The following RSPO2 variants were observed in gnomAD, a reference collection of about 807,000 sequenced individuals.
RSPO2 encodes R-spondin-2.
In RSPO2, 14 loss-of-function variants were observed where a neutral mutation model predicts 30.9. That is an observed-to-expected ratio of 0.45 (90% CI 0.30 to 0.71). The LOEUF is 0.71. Among genes scored for constraint, RSPO2 ranks in the 30% least tolerant of loss-of-function variants. The probability of loss-of-function intolerance (pLI) is 0.08; values close to 1 mark genes in which losing one functional copy is unlikely to be tolerated. For missense variants in RSPO2, 264 were observed against 301.9 expected (o/e 0.87, Z 0.93); for synonymous variants, 107 against 96.4 (o/e 1.11, Z -0.64).
At chr8:108,076,424 T>C (rs1813016286) in intron 2 of RSPO2, among the ~76,000 whole-genome samples, 1 of 151,954 alleles carries the variant, frequency 6.6e-6, no homozygotes, top group South Asian at 2.1e-4. Flanking sequence ...CATAAGTGGA[T>C]TGAAGTAGAT....
intron 5 of RSPO2, among the ~76,000 whole-genome samples, chr8:107,930,602 A>C (rs774625865): frequency 6.6e-6 from 1 of 152,218 alleles, no homozygotes; most frequent in African/African-American, 2.4e-5. Context: ...AAAGTTGAAT[A>C]ACACACCAGT....
chr8:107,934,592 G>A (rs1399582958), intron 5 of RSPO2, among the ~76,000 whole-genome samples: 3 of 151,898 alleles, frequency 2.0e-5, no homozygotes, highest in Non-Finnish European at 2.9e-5. Flanking sequence ...GGCTGGTCTC[G>A]AACTCCTGAC....
intron 5 of RSPO2, among the ~76,000 whole-genome samples, chr8:107,915,700 G>C (rs1811959795): frequency 6.6e-6 from 1 of 152,102 alleles, no homozygotes; most frequent in Non-Finnish European, 1.5e-5. Flanking sequence ...GTCACATTCG[G>C]TGAGCCCTGA....
Position 107,901,207 on chromosome 8 carries a change from A to G in RSPO2, c.617-17T>C. 2 of 1,601,460 alleles carry G rather than the reference A, an allele frequency of 1.2e-6. No individual in the cohort carries two copies. Among genetic ancestry groups the G allele is most frequent in the Non-Finnish European group, 1.7e-6 (2 of 1,174,902 alleles). On this transcript the variant is annotated splice_polypyrimidine_tract_variant and intron_variant, in intron 5 of 5. Coordinates refer to ENST00000276659, the MANE Select transcript of RSPO2 (RefSeq NM_178565.5). ...TTCTCTTCCCTGCAATGAAGGAAAG[A>G]AAAGAAGAGATGTCAGAAATGGCTC...
At chr8:107,938,769 C>T (rs1812796806) in intron 5 of RSPO2, among the ~76,000 whole-genome samples, 1 of 152,120 alleles carries the variant, frequency 6.6e-6, no homozygotes. Flanking sequence ...CATGTTGGTG[C>T]CAAATGCGTT....
At chr8:108,035,620 G>A (rs905336741) in intron 2 of RSPO2, among the ~76,000 whole-genome samples, 4 of 152,016 alleles carry the variant, frequency 2.6e-5, no homozygotes, top group Admixed American at 6.6e-5. Context: ...ACAGGCACCC[G>A]CCACCATGCC....
At chr8:108,075,962 A>G (rs1813001541) in intron 2 of RSPO2, among the ~76,000 whole-genome samples, 1 of 152,242 alleles carries the variant, frequency 6.6e-6, no homozygotes, top group Non-Finnish European at 1.5e-5. Context: ...AGCTTAAAAT[A>G]TGATGATACA....
chr8:108,011,669 C>A (rs28404268), intron 2 of RSPO2, among the ~76,000 whole-genome samples: 1,747 of 152,204 alleles, frequency 0.011, 34 homozygotes, highest in African/African-American at 0.04. Context: ...AGCTTAAATC[C>A]ATGACTTACC....
At chr8:107,999,354 G>A (rs995635407) in intron 2 of RSPO2, among the ~76,000 whole-genome samples, 10 of 100,426 alleles carry the variant, frequency 1.0e-4, no homozygotes, top group Non-Finnish European at 1.6e-4. Flanking sequence ...ATGACATCAG[G>A]ATTAAAGGTC....
At chr8:107,931,648 C>T (rs566494719) in intron 5 of RSPO2, among the ~76,000 whole-genome samples, 1 of 152,250 alleles carries the variant, frequency 6.6e-6, no homozygotes, top group African/African-American at 2.4e-5. Context: ...TTTAATGGCA[C>T]TCACTACATA....
chr8:108,023,483 T>C (rs547025869), intron 2 of RSPO2, among the ~76,000 whole-genome samples: 1 of 152,302 alleles, frequency 6.6e-6, no homozygotes, highest in Admixed American at 6.5e-5. Context: ...ACTAAAATGA[T>C]ACGCTTTGAT....
intron 2 of RSPO2, among the ~76,000 whole-genome samples, chr8:108,002,079 C>G (rs1586617251): frequency 6.6e-6 from 1 of 152,266 alleles, no homozygotes; most frequent in African/African-American, 2.4e-5. Context: ...TGCGTGCTAT[C>G]CTATAAGCCT....
At chr8:107,924,585 C>A (rs1225306222) in intron 5 of RSPO2, among the ~76,000 whole-genome samples, 5 of 151,886 alleles carry the variant, frequency 3.3e-5, no homozygotes, top group Non-Finnish European at 7.4e-5. Flanking sequence ...GAACCTTGTT[C>A]TACCAAATTT....
At chr8:107,974,538 G>C (rs574958954) in intron 3 of RSPO2, among the ~76,000 whole-genome samples, 5 of 152,076 alleles carry the variant, frequency 3.3e-5, no homozygotes, top group Admixed American at 2.6e-4. Flanking sequence ...AAGAGACAGA[G>C]AAAGAGAGAA....
chr8:107,957,706 C>T (rs1813473347), intron 5 of RSPO2, among the ~76,000 whole-genome samples: 1 of 152,172 alleles, frequency 6.6e-6, no homozygotes, highest in South Asian at 2.1e-4. Flanking sequence ...AATCTAAACT[C>T]TTCTCAACTG....
rs1241834030 is a variant in RSPO2 at position 107,951,052 on chromosome 8, TG to T, written c.616+7027del. Among the ~76,000 whole-genome samples, 526 of 147,064 alleles carry T rather than the reference TG, an allele frequency of 3.6e-3. 9 individuals carry two copies. Among genetic ancestry groups the T allele is most frequent in the Middle Eastern group, 0.01 (3 of 290 alleles). The stretch of plus-strand genomic sequence containing the variant: ...GCGATAGGGAGAATAAGTTTTTTTT[TG>T]TTGTTGTTGTTGTTGTTGTTGTTGT... On this transcript the variant is annotated intron_variant, in intron 5 of 5. Transcript: ENST00000276659.
At chr8:107,903,371 G>A (rs763171504) in intron 5 of RSPO2, among the ~76,000 whole-genome samples, 2 of 152,074 alleles carry the variant, frequency 1.3e-5, no homozygotes, top group African/African-American at 2.4e-5. Flanking sequence ...TGTAAATTAT[G>A]TAGTTGTGAG....
intron 2 of RSPO2, among the ~76,000 whole-genome samples, chr8:108,053,552 A>G (rs1473498840): frequency 1.3e-5 from 2 of 152,244 alleles, no homozygotes; most frequent in Non-Finnish European, 2.9e-5. Flanking sequence ...ATAAAAGCAG[A>G]CATTACTTCT....
At chr8:108,037,307 A>C (rs747185777) in intron 2 of RSPO2, among the ~76,000 whole-genome samples, 9 of 152,240 alleles carry the variant, frequency 5.9e-5, no homozygotes, top group Non-Finnish European at 1.3e-4. Context: ...ATAGAAGAAT[A>C]AACCAGCCAG....
Sources: gnomAD v4.1 joint callset for allele counts (sites outside exome capture counted in the v4.1 genomes callset) on GRCh38, gnomAD v4.1.1 for gene constraint, MANE v1.5 for transcripts, NCBI Gene and HGNC (gene_info 2026-07-23, HGNC 2026-07-21) for gene names.